Variants in PKIA observed in about 807,000 individuals in gnomAD.
PKIA encodes the protein cAMP-dependent protein kinase inhibitor alpha, also known as PKI-alpha.
Under a neutral mutation model 7.6 loss-of-function variants are expected in PKIA, and 4 were observed. That is an observed-to-expected ratio of 0.52 (90% CI 0.26 to 1.20). The LOEUF (loss-of-function observed/expected upper bound fraction) is 1.20. Ranked by LOEUF, PKIA falls within the 50% of genes most tolerant of loss-of-function variation. The pLI, the probability that PKIA is intolerant of heterozygous loss-of-function variation, is 0.13. For missense variants in PKIA, 73 were observed against 86.2 expected (o/e 0.85, Z 0.61); for synonymous variants, 21 against 30.7 (o/e 0.68, Z 1.04).
chr8:78,524,731 A>G (rs1055199445), intron 1 of PKIA, among the ~76,000 whole-genome samples: 13 of 151,886 alleles, frequency 8.6e-5, no homozygotes, highest in African/African-American at 2.9e-4. Context: ...CATTTGATAT[A>G]TTTTATCAAT....
rs542872244 is a variant in PKIA, at chr8:78,591,934, T to C, written c.-27-6424T>C. ...ACTAAACTTCCGTCTGCTGCTGACA[T>C]TTATTTGACTCTTTTTGAATTTTGT... is the stretch of plus-strand genomic sequence containing the variant. On this transcript the variant is annotated intron_variant, in intron 2 of 3. Coordinates refer to ENST00000396418, the MANE Select transcript of PKIA (RefSeq NM_006823.4). Among the ~76,000 whole-genome samples, 53 of 152,300 alleles carry C rather than the reference T, an allele frequency of 3.5e-4. No individual in the cohort carries two copies. In the Middle Eastern group the frequency reaches 0.01, roughly 29 times the overall value.
intron 2 of PKIA, among the ~76,000 whole-genome samples, chr8:78,577,039 G>T (rs1807690684): frequency 6.6e-6 from 1 of 152,046 alleles, no homozygotes; most frequent in Non-Finnish European, 1.5e-5. Context: ...TAGGAACATG[G>T]ATGGAGTTGG....
At chr8:78,584,016 G>A (rs1807884774) in intron 2 of PKIA, among the ~76,000 whole-genome samples, 1 of 151,956 alleles carries the variant, frequency 6.6e-6, no homozygotes, top group African/African-American at 2.4e-5. Flanking sequence ...AATTTCCTAA[G>A]GATTTCTATA....
At chr8:78,562,558 G>C (rs1480570268) in intron 1 of PKIA, among the ~76,000 whole-genome samples, 2 of 152,078 alleles carry the variant, frequency 1.3e-5, no homozygotes, top group Non-Finnish European at 2.9e-5. Flanking sequence ...CCTTTTTCAA[G>C]TCCTGGGATG....
At chr8:78,530,070 G>C (rs1806356152) in intron 1 of PKIA, among the ~76,000 whole-genome samples, 2 of 151,866 alleles carry the variant, frequency 1.3e-5, no homozygotes, top group African/African-American at 4.8e-5. Context: ...GTAGAAGAAG[G>C]TAAGTTTTCC....
chr8:78,521,792 A>G (rs1335836989), intron 1 of PKIA, among the ~76,000 whole-genome samples: 3 of 151,974 alleles, frequency 2.0e-5, no homozygotes, highest in Non-Finnish European at 2.9e-5. Context: ...TTGGGCAACT[A>G]TCACCACTAT....
chr8:78,528,027 A>G (rs139910219), intron 1 of PKIA, among the ~76,000 whole-genome samples: 3 of 152,238 alleles, frequency 2.0e-5, no homozygotes, highest in Admixed American at 2.0e-4. Context: ...ATTTTGGAGA[A>G]TGAGTAGAGA....
At chr8:78,580,397 T>C (rs1451388277) in intron 2 of PKIA, among the ~76,000 whole-genome samples, 6 of 152,066 alleles carry the variant, frequency 3.9e-5, no homozygotes, top group African/African-American at 1.4e-4. Flanking sequence ...CCTCATCCTC[T>C]TCCTTGTCCT....
intron 2 of PKIA, among the ~76,000 whole-genome samples, chr8:78,575,334 A>AT (rs1266324797): frequency 1.3e-5 from 2 of 151,632 alleles, no homozygotes; most frequent in Non-Finnish European, 2.9e-5. Context: ...ATTTTTATGT[A>AT]TTTTTTATTA....
chr8:78,591,654 C>A (rs1808099495), intron 2 of PKIA, among the ~76,000 whole-genome samples: 1 of 151,948 alleles, frequency 6.6e-6, no homozygotes, highest in East Asian at 1.9e-4. Flanking sequence ...ATAAAATGTC[C>A]ATTTCCCTCT....
intron 1 of PKIA, among the ~76,000 whole-genome samples, chr8:78,521,673 A>G (rs1476089504): frequency 1.3e-5 from 2 of 152,002 alleles, no homozygotes; most frequent in East Asian, 1.9e-4. Context: ...AATGTGCTCC[A>G]TATCAGGTAA....
chr8:78,555,286 T>C (rs1455318164), intron 1 of PKIA, among the ~76,000 whole-genome samples: 1 of 152,038 alleles, frequency 6.6e-6, no homozygotes, highest in African/African-American at 2.4e-5. Flanking sequence ...CTGTATGCCC[T>C]GAAATTCTCT....
intron 1 of PKIA, among the ~76,000 whole-genome samples, chr8:78,568,150 T>G (rs1199066113): frequency 6.6e-6 from 1 of 152,184 alleles, no homozygotes; most frequent in African/African-American, 2.4e-5. Flanking sequence ...ATACTAACAA[T>G]GTGTATACAC....
At chr8:78,533,026 T>A (rs1806433498) in intron 1 of PKIA, among the ~76,000 whole-genome samples, 1 of 152,140 alleles carries the variant, frequency 6.6e-6, no homozygotes, top group Non-Finnish European at 1.5e-5. Flanking sequence ...AGCCTAGACC[T>A]TCAAGGTCCT....
chr8:78,516,969 G>C (rs893732122), intron 1 of PKIA, among the ~76,000 whole-genome samples: 2 of 152,152 alleles, frequency 1.3e-5, no homozygotes, highest in African/African-American at 2.4e-5. Context: ...CCTTTAGAAA[G>C]AGCCTCTATC....
chr8:78,532,033 TTTTTAAC>T (rs1306200714), intron 1 of PKIA, among the ~76,000 whole-genome samples: 1 of 152,102 alleles, frequency 6.6e-6, no homozygotes, highest in African/African-American at 2.4e-5. Context: ...TTCAAGTAAC[TTTTTAAC>T]TTTTAAGTTC....
intron 1 of PKIA, among the ~76,000 whole-genome samples, chr8:78,554,571 T>A (rs1019319981): frequency 6.6e-6 from 1 of 151,960 alleles, no homozygotes; most frequent in Non-Finnish European, 1.5e-5. Context: ...TATCCATGAT[T>A]CAGATGTGGC....
At chr8:78,555,250 C>T (rs904393490) in intron 1 of PKIA, among the ~76,000 whole-genome samples, 1 of 151,970 alleles carries the variant, frequency 6.6e-6, no homozygotes, top group African/African-American at 2.4e-5. Flanking sequence ...TCAATTCACT[C>T]TGTTATCTAA....
intron 1 of PKIA, among the ~76,000 whole-genome samples, chr8:78,553,811 A>G (rs1016136478): frequency 6.7e-6 from 1 of 149,548 alleles, no homozygotes; most frequent in African/African-American, 2.5e-5. Context: ...TCAGAGTTTT[A>G]TAACACCACA....
Sources: gnomAD v4.1 joint callset for allele counts (sites outside exome capture counted in the v4.1 genomes callset) on GRCh38, gnomAD v4.1.1 for gene constraint, MANE v1.5 for transcripts, NCBI Gene and HGNC (gene_info 2026-07-23, HGNC 2026-07-21) for gene names.